RLF: variants seen among roughly 807,000 people sequenced by gnomAD.
The protein encoded by RLF is zinc finger protein Rlf.
Under a neutral mutation model 162.9 loss-of-function variants are expected in RLF, and 7 were observed. The ratio of observed to expected loss-of-function variants is 0.04; its 90% CI spans 0.02 to 0.08. The LOEUF (loss-of-function observed/expected upper bound fraction) is 0.08, where lower values mean the gene tolerates loss of function less well. RLF is among the 10% of genes least tolerant of loss of function. The pLI is 1.00. For synonymous variants in RLF, 782 were observed against 791.5 expected, an observed-to-expected ratio of 0.99 and a Z score of 0.20; for missense variants, 1,664 against 2,244.7, an observed-to-expected ratio of 0.74 and a Z score of 5.23.
At chr1:40,165,800 G>T (rs1213299146) in intron 1 of RLF, among the ~76,000 whole-genome samples, 1 of 151,898 alleles carries the variant, frequency 6.6e-6, no homozygotes, top group Non-Finnish European at 1.5e-5. Flanking sequence ...TCCGCCAAAG[G>T]AAAGATAAAG....
At chr1:40,171,865 C>T (rs1317403710) in intron 1 of RLF, among the ~76,000 whole-genome samples, 1 of 152,114 alleles carries the variant, frequency 6.6e-6, no homozygotes, top group African/African-American at 2.4e-5. Context: ...GTCATATACA[C>T]TCTTATGTAT....
At chr1:40,232,637 C>T (rs1330713444) in intron 7 of RLF, among the ~76,000 whole-genome samples, 1 of 152,166 alleles carries the variant, frequency 6.6e-6, no homozygotes, top group Non-Finnish European at 1.5e-5. Flanking sequence ...CAGTCTTTAC[C>T]TCTGTTTTCA....
intron 5 of RLF, among the ~76,000 whole-genome samples, chr1:40,203,318 G>C (rs61781761): frequency 0.052 from 7,891 of 151,868 alleles, 601 homozygotes; most frequent in African/African-American, 0.17. Flanking sequence ...GTTTCACCAT[G>C]TTGGCCAAGC....
chr1:40,231,457 G>C (rs1403330975), intron 6 of RLF, 60 bp from the exon 7 acceptor site: 1 of 1,526,354 alleles, frequency 6.6e-7, no homozygotes, highest in Admixed American at 2.0e-5. Context: ...GGGTTGCCGG[G>C]GGCAGGGCAG....
At chr1:40,224,306 CTTT>C (rs869123049) in intron 6 of RLF, among the ~76,000 whole-genome samples, 6,383 of 127,832 alleles carry the variant, frequency 0.05, 440 homozygotes, top group African/African-American at 0.18. Flanking sequence ...GCAATTGCAT[CTTT>C]TTTTTTTTTT....
intron 6 of RLF, among the ~76,000 whole-genome samples, chr1:40,226,102 T>C (rs1227760638): frequency 6.6e-6 from 1 of 152,114 alleles, no homozygotes; most frequent in Non-Finnish European, 1.5e-5. Flanking sequence ...AGAACGGTTT[T>C]TATTATTTTA....
At chr1:40,173,992 T>A (rs1054177774) in intron 1 of RLF, among the ~76,000 whole-genome samples, 2 of 152,240 alleles carry the variant, frequency 1.3e-5, no homozygotes, top group South Asian at 4.1e-4. Flanking sequence ...TGATCTCTTA[T>A]AATCAATTCT....
chr1:40,180,969 T>C (rs1207675021), intron 1 of RLF, among the ~76,000 whole-genome samples: 1 of 152,214 alleles, frequency 6.6e-6, no homozygotes, highest in Non-Finnish European at 1.5e-5. Context: ...CCAAATCCAA[T>C]GTAATGAAGC....
chr1:40,227,994 C>T lies in RLF; in HGVS notation c.948-3523C>T, dbSNP rs531406373. Among the ~76,000 whole-genome samples the T allele has an allele frequency of 2.6e-5, 4 of 151,906 alleles. No homozygotes were observed. The South Asian group carries it at 8.3e-4, about 32-fold the overall frequency. ...CTCCAGCCTGAGGGACAGAGCAAGG[C>T]TCCATCTGGGGGGAAAAAATTTATT... On this transcript the variant is annotated intron_variant, in intron 6 of 7. Coordinates refer to ENST00000372771, the MANE Select transcript of RLF (RefSeq NM_012421.4).
At chr1:40,215,564 A>G (rs1353467728) in intron 5 of RLF, among the ~76,000 whole-genome samples, 1 of 151,934 alleles carries the variant, frequency 6.6e-6, no homozygotes, top group African/African-American at 2.4e-5. Context: ...GAAATTAGAG[A>G]GTAAGTTTTT....
intron 5 of RLF, among the ~76,000 whole-genome samples, chr1:40,206,911 G>T (rs1388295452): frequency 6.6e-6 from 1 of 152,108 alleles, no homozygotes; most frequent in Non-Finnish European, 1.5e-5. Context: ...TATCAGAGAG[G>T]CCTTCCTCGC....
intron 6 of RLF, among the ~76,000 whole-genome samples, chr1:40,229,996 C>T (rs1476822877): frequency 1.3e-5 from 2 of 151,844 alleles, no homozygotes; most frequent in Non-Finnish European, 2.9e-5. Flanking sequence ...TGCCTGTAAT[C>T]CCAGCTACTT....
At chr1:40,193,065 T>C (rs1642581482) in intron 3 of RLF, among the ~76,000 whole-genome samples, 1 of 148,640 alleles carries the variant, frequency 6.7e-6, no homozygotes, top group African/African-American at 2.5e-5. Context: ...ACCAATGTCT[T>C]GCTATTTACT....
At chr1:40,201,021 C>G (rs976898716) in intron 4 of RLF, among the ~76,000 whole-genome samples, 30 of 102,794 alleles carry the variant, frequency 2.9e-4, no homozygotes, top group African/African-American at 1.0e-3. Context: ...CATTGCTACT[C>G]TACACACACA....
At chr1:40,197,386 T>A (rs1253568326) in intron 4 of RLF, among the ~76,000 whole-genome samples, 2 of 152,206 alleles carry the variant, frequency 1.3e-5, no homozygotes, top group Admixed American at 1.3e-4. Context: ...TAGAACCAGG[T>A]AATTTCAGAA....
chr1:40,216,702 T>C (rs1642928789), intron 5 of RLF, among the ~76,000 whole-genome samples: 1 of 152,164 alleles, frequency 6.6e-6, no homozygotes, highest in South Asian at 2.1e-4. Flanking sequence ...TCCCAACTTA[T>C]GCTATGAAGC....
chr1:40,240,314 G>A lies in RLF; in HGVS notation c.5612G>A (p.Cys1871Tyr). 3.1e-6 allele frequency: 5 copies of A among 1,614,214 alleles called. No homozygotes were observed. Among genetic ancestry groups the A allele is most frequent in the Non-Finnish European group, 4.2e-6 (5 of 1,180,032 alleles). The change falls in exon 8 of 8, where the codon TGT (cysteine) becomes TAT (tyrosine). Residue 1871 changes from cysteine to tyrosine, a missense_variant. Cys to Tyr is a radical substitution (Grantham distance 194). Around this residue, in one of 15 missense-constraint regions of RLF, gnomAD observed 27 missense variants for 52.5 expected, o/e 0.51. Coordinates refer to ENST00000372771, the MANE Select transcript of RLF (RefSeq NM_012421.4). ...GTATTGGACAAAGCATTAACAGACT[G>A]TGGAGAGCTTGCCTTAAAACAGCTT... is the stretch of plus-strand genomic sequence containing the variant. ...RVVLDKALTD[C>Y]GELALKQLHY... is the part of the protein sequence containing the mutation.
chr1:40,200,926 A>ACACACACG (rs1642705947), intron 4 of RLF, among the ~76,000 whole-genome samples: 1 of 122,710 alleles, frequency 8.1e-6, no homozygotes, highest in African/African-American at 3.6e-5. Context: ...ACACACACAC[A>ACACACACG]CACACACACA....
intron 5 of RLF, among the ~76,000 whole-genome samples, chr1:40,216,243 G>A (rs1262196003): frequency 6.6e-6 from 1 of 152,140 alleles, no homozygotes; most frequent in Non-Finnish European, 1.5e-5. Flanking sequence ...AGCGCTTTGG[G>A]AGGCCAAGGC....
Sources: gnomAD v4.1 joint callset for allele counts (sites outside exome capture counted in the v4.1 genomes callset) on GRCh38, gnomAD v4.1.1 for gene constraint, gnomAD v4.1.1 regional missense constraint, MANE v1.5 for transcripts, NCBI Gene and HGNC (gene_info 2026-07-23, HGNC 2026-07-21) for gene names.